The following KIF5B variants were observed in gnomAD, a reference collection of about 807,000 sequenced individuals.
KIF5B encodes kinesin family member 5B.
In KIF5B, 49 loss-of-function variants were observed where a neutral mutation model predicts 132.8. That is an observed-to-expected ratio of 0.37 (90% CI 0.29 to 0.47). KIF5B has a LOEUF of 0.47. Ranked by LOEUF, KIF5B falls within the 20% of genes least tolerant of loss-of-function variation. The pLI, the probability that KIF5B is intolerant of heterozygous loss-of-function variation, is 1.00. For synonymous variants in KIF5B, 355 were observed against 369.4 expected (o/e 0.96, Z 0.45); for missense variants, 780 against 1,144.0 (o/e 0.68, Z 4.59).
At chr10:32,033,807 T>C (rs938022168) in intron 12 of KIF5B, 38 bp downstream of exon 12, 12 of 1,409,402 alleles carry the variant, frequency 8.5e-6, no homozygotes, top group Non-Finnish European at 1.2e-5. Context: ...GTCAATAGTA[T>C]CCTAATATAA....
chr10:32,053,729 C>CAAA (rs34020073), intron 1 of KIF5B, among the ~76,000 whole-genome samples: 129 of 130,142 alleles, frequency 9.9e-4, no homozygotes, highest in African/African-American at 1.2e-3. Context: ...AAAAATATCT[C>CAAA]AAAAAAAAAA....
chr10:32,019,988 G>A, intron 19 of KIF5B, 29 bp from the exon 20 acceptor site: 4 of 1,372,190 alleles, frequency 2.9e-6, no homozygotes, highest in Non-Finnish European at 3.1e-6. Context: ...AATTAACACA[G>A]TATCAATATC....
intron 15 of KIF5B, among the ~76,000 whole-genome samples, chr10:32,024,367 G>A (rs1486118736): frequency 2.1e-4 from 31 of 146,698 alleles, no homozygotes; most frequent in Admixed American, 4.7e-4. Flanking sequence ...TTTTAGCCAG[G>A]ATGGTCTTGA....
intron 25 of KIF5B, among the ~76,000 whole-genome samples, chr10:32,012,318 C>G (rs1372220600): frequency 3.9e-5 from 6 of 152,102 alleles, no homozygotes; most frequent in Non-Finnish European, 1.5e-5. Context: ...AGTAAAAATA[C>G]AAAAACCTTA....
Position 32,032,601 on chromosome 10 carries a change from C to T in KIF5B, c.1374+105G>A, listed in dbSNP as rs1048097480. On this transcript the variant is annotated intron_variant, in intron 13 of 25. Transcript: ENST00000302418. Reference sequence around the variant, plus strand: ...TGTGACATTCTTATTCCCACAAAGACAGTCATACCCAAAATTATACAACTA... The same window carrying T: ...TGTGACATTCTTATTCCCACAAAGATAGTCATACCCAAAATTATACAACTA... The T allele has an allele frequency of 4.7e-6, 4 of 842,160 alleles. No homozygotes were observed. The African/African-American group carries it at 6.7e-5, about 14-fold the overall frequency. The allele number at this position is 842,160 out of a possible 1,614,324, so 52.2% of individuals were successfully genotyped here.
At chr10:32,027,631 TC>T (rs1171910087) in intron 15 of KIF5B, among the ~76,000 whole-genome samples, 7 of 145,638 alleles carry the variant, frequency 4.8e-5, no homozygotes, top group African/African-American at 1.5e-4. Flanking sequence ...TTTTTTTTTT[TC>T]CAGATAGGGT....
intron 2 of KIF5B, among the ~76,000 whole-genome samples, chr10:32,043,300 G>C (rs1257219557): frequency 6.6e-6 from 1 of 152,192 alleles, no homozygotes; most frequent in Non-Finnish European, 1.5e-5. Flanking sequence ...ACTGCGCCCA[G>C]CCCGCACTGT....
intron 25 of KIF5B, among the ~76,000 whole-genome samples, chr10:32,013,469 C>T (rs570566190): frequency 2.6e-5 from 4 of 152,058 alleles, no homozygotes; most frequent in Non-Finnish European, 5.9e-5. Context: ...GATAACTGGG[C>T]CTACTCAGTA....
intron 6 of KIF5B, 29 bp downstream of exon 6, chr10:32,038,134 G>A: frequency 7.2e-7 from 1 of 1,394,174 alleles, no homozygotes; most frequent in Non-Finnish European, 1.0e-6. Flanking sequence ...AGTATTACAG[G>A]GTTTTCTAGA....
intron 14 of KIF5B, among the ~76,000 whole-genome samples, chr10:32,029,189 T>C (rs1425200348): frequency 6.6e-6 from 1 of 152,182 alleles, no homozygotes; most frequent in African/African-American, 2.4e-5. Context: ...CACTTTAAAA[T>C]AACTCATATG....
In KIF5B at chr10:32,011,197, A is replaced by C. The variant is rs1351161267; in HGVS notation, c.*340T>G. 1.3e-5 allele frequency: 2 copies of C among 152,644 alleles called. No homozygotes were observed. Among genetic ancestry groups the C allele is most frequent in the Non-Finnish European group, 2.9e-5 (2 of 68,022 alleles). The allele number at this position is 152,644 out of a possible 1,614,324, so 9.5% of individuals were successfully genotyped here. ...ATAAACATACACAAAAAATACAAAAAGTACAGTCCTATAAGGTACAGTTAG... is the reference window on the plus strand; with the variant it reads ...ATAAACATACACAAAAAATACAAAACGTACAGTCCTATAAGGTACAGTTAG... On this transcript the variant is annotated 3_prime_UTR_variant, in exon 26 of 26. Transcript: ENST00000302418.
chr10:32,032,337 A>G (rs536863655), intron 13 of KIF5B, among the ~76,000 whole-genome samples: 52 of 152,296 alleles, frequency 3.4e-4, no homozygotes, highest in African/African-American at 1.2e-3. Flanking sequence ...GATGGAGAGT[A>G]TCTCTTTCTT....
intron 25 of KIF5B, among the ~76,000 whole-genome samples, chr10:32,013,448 T>C (rs1456841334): frequency 6.6e-6 from 1 of 152,180 alleles, no homozygotes; most frequent in Admixed American, 6.5e-5. Flanking sequence ...ACACAGGTGT[T>C]ATACCCTCAA....
chr10:32,053,022 A>G (rs1841713314), intron 1 of KIF5B, among the ~76,000 whole-genome samples: 1 of 152,270 alleles, frequency 6.6e-6, no homozygotes, highest in African/African-American at 2.4e-5. Context: ...TTCTAACATC[A>G]TAAACTACAA....
chr10:32,055,632 T>C (rs1841746185), intron 1 of KIF5B, among the ~76,000 whole-genome samples: 2 of 151,894 alleles, frequency 1.3e-5, no homozygotes. Context: ...GCGCTTCCCG[T>C]CTCCCGGCGC....
chr10:32,026,736 A>G (rs1255119866), intron 15 of KIF5B, among the ~76,000 whole-genome samples: 1 of 152,198 alleles, frequency 6.6e-6, no homozygotes, highest in Non-Finnish European at 1.5e-5. Context: ...ATTTGTCTAA[A>G]AAGTTGCAAA....
At position 32,022,994 on chromosome 10, in the gene KIF5B, C is replaced by G; in HGVS notation, c.1768G>C (p.Ala590Pro). Residue 590 changes from alanine (A) to proline (P), a missense_variant, in exon 16 of 26, where the codon GCA becomes CCA. This residue lies in a region of KIF5B where 471 missense variants were observed against 569.9 expected (regional missense o/e 0.83). Transcript: ENST00000302418. ...TTCATTTTGCTAATGTAGAGTCTTG[C>G]AACAGTGAACTCTTCATCTATCATG... ...TGMIDEEFTV[A>P]RLYISKMKSE... 6.2e-7 allele frequency: 1 copy of G among 1,610,348 alleles called. No homozygotes were observed.
At chr10:32,050,892 T>C (rs756208659) in intron 1 of KIF5B, among the ~76,000 whole-genome samples, 4 of 152,172 alleles carry the variant, frequency 2.6e-5, no homozygotes, top group Non-Finnish European at 5.9e-5. Context: ...ACAATCAAAA[T>C]AACAATCGCC....
intron 1 of KIF5B, among the ~76,000 whole-genome samples, chr10:32,053,403 G>A (rs1841717076): frequency 6.8e-6 from 1 of 146,640 alleles, no homozygotes; most frequent in Non-Finnish European, 1.5e-5. Context: ...CAGTTGTAAT[G>A]TATTTTTGGT....
Sources: gnomAD v4.1 joint callset for allele counts (sites outside exome capture counted in the v4.1 genomes callset) on GRCh38, gnomAD v4.1.1 for gene constraint, gnomAD v4.1.1 regional missense constraint, MANE v1.5 for transcripts, NCBI Gene and HGNC (gene_info 2026-07-23, HGNC 2026-07-21) for gene names.